Variants in ENAH observed in about 807,000 individuals in gnomAD.
The protein encoded by ENAH is protein enabled homolog.
A neutral mutation model predicts 78.7 loss-of-function variants in ENAH; 23 were observed. The ratio of observed to expected loss-of-function variants is 0.29; its 90% confidence interval spans 0.21 to 0.41. The LOEUF (loss-of-function observed/expected upper bound fraction) is 0.41. Ranked by LOEUF, ENAH falls within the 10% of genes least tolerant of loss-of-function variation. The pLI, the probability that ENAH is intolerant of heterozygous loss-of-function variation, is 1.00. For missense variants in ENAH, 544 were observed against 691.0 expected, an observed-to-expected ratio of 0.79 and a Z score of 2.39; for synonymous variants, 226 against 241.0, an observed-to-expected ratio of 0.94 and a Z score of 0.58.
chr1:225,606,111 C>CT (rs1191013920), intron 1 of ENAH, among the ~76,000 whole-genome samples: 1 of 152,050 alleles, frequency 6.6e-6, no homozygotes, highest in Non-Finnish European at 1.5e-5. Flanking sequence ...TTCACAAATA[C>CT]TTTTAATGTT....
In ENAH at chr1:225,510,177, C is replaced by T. The variant is rs12075469; in HGVS notation, c.1471+1634G>A. Among the ~76,000 whole-genome samples, 311 of 152,182 alleles carry T rather than the reference C, an allele frequency of 2.0e-3. 1 individual carries two copies. The highest frequency in any genetic ancestry group is 7.0e-3 in the African/African-American group (290 of 41,510). On this transcript the variant is annotated intron_variant, in intron 10 of 13. Coordinates refer to ENST00000366843, the MANE Select transcript of ENAH (RefSeq NM_018212.6). ...GAAACAAGTGAGAAAACAGGCCCTG[C>T]CCTTTTTGATTTTATATATATGACA...
chr1:225,641,022 CCTGA>C (rs995151234), intron 1 of ENAH, among the ~76,000 whole-genome samples: 7 of 151,650 alleles, frequency 4.6e-5, no homozygotes, highest in African/African-American at 1.7e-4. Context: ...CGCCACCACG[CCTGA>C]CTAATTTTTT....
Position 225,497,692 on chromosome 1 carries a change from A to AGG in ENAH, c.*81_*82dup, listed in dbSNP as rs2096256167. ...TTTTCTTCTTACAGCTCATAAATGT[A>AGG]GGGGTTTGCTGTTGTGAACAGTTGT... On this transcript the variant is annotated 3_prime_UTR_variant, in exon 14 of 14. Transcript: ENST00000366843. The AGG allele has an allele frequency of 1.5e-6, 2 of 1,365,156 alleles. No individual in the cohort carries two copies. Among genetic ancestry groups the AGG allele is most frequent in the Admixed American group, 3.6e-5 (2 of 55,032 alleles). The allele number at this position is 1,365,156 out of a possible 1,614,324, so 84.6% of individuals were successfully genotyped here.
chr1:225,542,369 A>G (rs2096593802), intron 3 of ENAH, among the ~76,000 whole-genome samples: 1 of 152,234 alleles, frequency 6.6e-6, no homozygotes, highest in South Asian at 2.1e-4. Flanking sequence ...TCCAGGAGGA[A>G]TCAAACCCAA....
At chr1:225,652,516 A>C in intron 1 of ENAH, 170 bp downstream of exon 1, 1 of 850,788 alleles carries the variant, frequency 1.2e-6, no homozygotes, top group East Asian at 1.2e-4. Flanking sequence ...GGAGGTTTCC[A>C]AGAAAGAAAG....
At chr1:225,619,047 T>C (rs1176613590) in intron 1 of ENAH, among the ~76,000 whole-genome samples, 2 of 152,092 alleles carry the variant, frequency 1.3e-5, no homozygotes, top group Non-Finnish European at 1.5e-5. Flanking sequence ...ATTACTCAAA[T>C]GTTTAAGGCC....
intron 4 of ENAH, among the ~76,000 whole-genome samples, chr1:225,521,479 A>G (rs561137367): frequency 1.8e-4 from 28 of 152,022 alleles, no homozygotes; most frequent in Non-Finnish European, 3.5e-4. Context: ...TGTCTCTACT[A>G]AAATTACAAA....
At chr1:225,593,447 A>T (rs2096888087) in intron 1 of ENAH, among the ~76,000 whole-genome samples, 1 of 142,028 alleles carries the variant, frequency 7.0e-6, no homozygotes, top group Non-Finnish European at 1.5e-5. Flanking sequence ...AGAACCCAGA[A>T]GTACCAAAGA....
intron 1 of ENAH, among the ~76,000 whole-genome samples, chr1:225,594,267 G>T (rs1173063381): frequency 6.6e-6 from 1 of 152,164 alleles, no homozygotes; most frequent in Non-Finnish European, 1.5e-5. Context: ...CAAAGTCTCA[G>T]TTTTGGGGAA....
intron 1 of ENAH, among the ~76,000 whole-genome samples, chr1:225,619,698 A>G (rs958976419): frequency 6.6e-6 from 1 of 152,202 alleles, no homozygotes; most frequent in South Asian, 2.1e-4. Context: ...AGTCTCAGAC[A>G]TCCCAATTTA....
intron 3 of ENAH, among the ~76,000 whole-genome samples, chr1:225,537,494 C>T (rs1035051514): frequency 7.2e-5 from 11 of 152,188 alleles, no homozygotes; most frequent in African/African-American, 2.4e-4. Flanking sequence ...TTCATGCCAT[C>T]ATATGCATAA....
chr1:225,638,208 C>A (rs750246924), intron 1 of ENAH, among the ~76,000 whole-genome samples: 1 of 152,050 alleles, frequency 6.6e-6, no homozygotes, highest in African/African-American at 2.4e-5. Context: ...TGACTAACCC[C>A]AAAATGCAAA....
At chr1:225,511,717 T>G (rs2096378026) in intron 10 of ENAH, 94 bp downstream of exon 10, 3 of 822,352 alleles carry the variant, frequency 3.6e-6, no homozygotes, top group South Asian at 4.2e-5. Context: ...TCCAGTCACT[T>G]GGTCCAAATA....
At chr1:225,552,297 C>A (rs1362205085) in intron 3 of ENAH, among the ~76,000 whole-genome samples, 2 of 151,902 alleles carry the variant, frequency 1.3e-5, no homozygotes, top group Non-Finnish European at 1.5e-5. Context: ...CCACCACGCC[C>A]GGCTAATTTT....
At chr1:225,516,009 CA>C (rs960582624) in intron 6 of ENAH, among the ~76,000 whole-genome samples, 14 of 152,200 alleles carry the variant, frequency 9.2e-5, no homozygotes, top group Non-Finnish European at 1.8e-4. Context: ...ACAAGCCTTG[CA>C]ATGTTTAAGT....
At chr1:225,623,046 G>A (rs1423303752) in intron 1 of ENAH, among the ~76,000 whole-genome samples, 1 of 152,172 alleles carries the variant, frequency 6.6e-6, no homozygotes, top group Non-Finnish European at 1.5e-5. Context: ...GGCTTTAAAA[G>A]TAGGGGAACT....
In ENAH at chr1:225,493,971, TAACTC is replaced by T. The variant is rs1385035804; in HGVS notation, c.*3799_*3803del. The T allele has an allele frequency of 2.7e-5, 4 of 147,878 alleles. No individual in the cohort carries two copies. Among genetic ancestry groups the T allele is most frequent in the Non-Finnish European group, 4.5e-5 (3 of 67,388 alleles). 9.2% of individuals were successfully genotyped at this position (147,878 alleles called of 1,614,324 possible). A position where few individuals can be genotyped will look rare whatever the true frequency, so the allele number is the denominator to read the frequency against. ...AAATTTAAAAGATTATCATGTTACT[TAACTC>T]ATTTTTGAATGACAAGTGACTTTTA... On this transcript the variant is annotated 3_prime_UTR_variant, in exon 14 of 14. Coordinates refer to ENST00000366843, the MANE Select transcript of ENAH (RefSeq NM_018212.6).
intron 1 of ENAH, among the ~76,000 whole-genome samples, chr1:225,638,308 A>G (rs1402319478): frequency 6.6e-6 from 1 of 152,044 alleles, no homozygotes; most frequent in African/African-American, 2.4e-5. Flanking sequence ...ACAGGTGTGC[A>G]CCACCACACC....
chr1:225,637,201 T>C (rs141758912), intron 1 of ENAH, among the ~76,000 whole-genome samples: 111 of 152,040 alleles, frequency 7.3e-4, no homozygotes, highest in African/African-American at 2.7e-3. Context: ...TTTTTTTTTG[T>C]TTTCTGTTGT....
Sources: allele counts gnomAD v4.1 joint callset (sites outside exome capture counted in the v4.1 genomes callset), GRCh38; gene constraint gnomAD v4.1.1; transcripts MANE v1.5; gene names NCBI Gene and HGNC (gene_info 2026-07-23, HGNC 2026-07-21).